The following STAP2 variants were observed in gnomAD, a reference collection of about 807,000 sequenced individuals.
STAP2 encodes the protein signal transducing adaptor family member 2.
STAP2 carries 58 observed loss-of-function variants against 52.7 expected under a neutral mutation model. That is an observed-to-expected ratio of 1.10 (90% CI 0.89 to 1.37). The LOEUF is 1.37. Among genes scored for constraint, STAP2 ranks in the 40% most tolerant of loss-of-function variants. The pLI, the probability that STAP2 is intolerant of heterozygous loss-of-function variation, is 0.00. For missense variants in STAP2, 522 were observed against 519.4 expected, an observed-to-expected ratio of 1.00 and a Z score of -0.05; for synonymous variants, 231 against 210.5, an observed-to-expected ratio of 1.10 and a Z score of -0.84.
At chr19:4,332,394 T>C (rs1206685391) in intron 3 of STAP2, among the ~76,000 whole-genome samples, 1 of 150,558 alleles carries the variant, frequency 6.6e-6, no homozygotes, top group Non-Finnish European at 1.5e-5. Context: ...CTCTTAGACA[T>C]GAGGGTCTCG....
In STAP2 at chr19:4,325,318, C is replaced by T; in HGVS notation, c.980-10G>A. 1 of 1,614,200 alleles carries T rather than the reference C, an allele frequency of 6.2e-7. No individual in the cohort carries two copies. Among genetic ancestry groups the T allele is most frequent in the Non-Finnish European group, 8.5e-7 (1 of 1,180,026 alleles). On this transcript the variant is annotated splice_polypyrimidine_tract_variant and intron_variant, in intron 10 of 12. Transcript: ENST00000594605. ...CAACTAGAGGAAGCCACTGCGTGGA[C>T]AAAAGTGTAACGTGTCACATCAGCT...
At chr19:4,338,446 G>T (rs1012161798) in intron 1 of STAP2, among the ~76,000 whole-genome samples, 1 of 152,208 alleles carries the variant, frequency 6.6e-6, no homozygotes, top group Non-Finnish European at 1.5e-5. Context: ...AAGAGAAAAA[G>T]AAACCAAATT....
intron 4 of STAP2, among the ~76,000 whole-genome samples, chr19:4,331,623 C>T (rs7253888): frequency 0.1 from 15,216 of 150,724 alleles, 1,379 homozygotes; most frequent in African/African-American, 0.25. Flanking sequence ...GAGTGAGACT[C>T]TGTCTCAAAA....
chr19:4,331,628 T>C (rs1355576218), intron 4 of STAP2, among the ~76,000 whole-genome samples: 1 of 149,386 alleles, frequency 6.7e-6, no homozygotes, highest in Non-Finnish European at 1.5e-5. Flanking sequence ...AGACTCTGTC[T>C]CAAAAAAATA....
chr19:4,326,864 C>A lies in STAP2; in HGVS notation c.829+78G>T, dbSNP rs563662784. On this transcript the variant is annotated intron_variant, in intron 9 of 12. Transcript: ENST00000594605. ...ACATCAGATGCAGGAGGTGCAGCCACCAAACTGACTGAGGGGGCGTGGCTG... is the reference window on the plus strand; with the variant it reads ...ACATCAGATGCAGGAGGTGCAGCCAACAAACTGACTGAGGGGGCGTGGCTG... 2.0e-6 allele frequency: 3 copies of A among 1,516,308 alleles called. No individual in the cohort carries two copies. In the South Asian group the frequency reaches 3.6e-5, roughly 18 times the overall value. 93.9% of individuals were successfully genotyped at this position (1,516,308 alleles called of 1,614,324 possible).
At chr19:4,337,548 C>CA (rs376844059) in intron 1 of STAP2, among the ~76,000 whole-genome samples, 1,674 of 100,572 alleles carry the variant, frequency 0.017, 23 homozygotes, top group Admixed American at 0.024. Context: ...ACCCCATCTT[C>CA]AAAAAAAAAA....
intron 1 of STAP2, among the ~76,000 whole-genome samples, chr19:4,334,773 CACA>C (rs1971946492): frequency 6.6e-6 from 1 of 151,332 alleles, no homozygotes; most frequent in Non-Finnish European, 1.5e-5. Flanking sequence ...CATCCACCCA[CACA>C]TCCATCTGTC....
rs564408065 is a variant in STAP2 at position 4,324,480 on chromosome 19, T to G, written c.1122A>C (p.Ser374=). 1,364 of 1,576,236 alleles carry G rather than the reference T, an allele frequency of 8.7e-4. 22 individuals carry two copies. In the South Asian group the frequency reaches 0.015, roughly 17 times the overall value. ...CGGCTGTGGGGAAGAGAGGCTGGGC[T>G]GAACTGACTGGCAGCTTCCTGCCCA... is the stretch of plus-strand genomic sequence containing the variant. ...GGLGRKLPVS[S]AQPLFPTAGL... The change falls in exon 12 of 13, where the codon TCA becomes TCC. Residue 374 remains serine, a synonymous_variant. Coordinates refer to ENST00000594605, the MANE Select transcript of STAP2 (RefSeq NM_001013841.2).
intron 6 of STAP2, among the ~76,000 whole-genome samples, chr19:4,328,465 C>T (rs28513335): frequency 8.6e-5 from 6 of 69,608 alleles, no homozygotes; most frequent in Non-Finnish European, 1.6e-4. Flanking sequence ...TCTGACTCCT[C>T]CCCCAATCCG....
chr19:4,333,841 TGG>T, intron 2 of STAP2, 25 bp from the exon 3 acceptor site: 1 of 1,613,802 alleles, frequency 6.2e-7, no homozygotes, highest in Non-Finnish European at 8.5e-7. Context: ...GCAGGGGATC[TGG>T]GCACCAGTTC....
At chr19:4,324,703 G>A in intron 11 of STAP2, 174 bp from the exon 12 acceptor site, 1 of 598,652 alleles carries the variant, frequency 1.7e-6, no homozygotes, top group Non-Finnish European at 2.9e-6. Context: ...GTGGTGGCAG[G>A]TGCCTGTAAT....
Position 4,325,312 on chromosome 19 carries a change from C to T in STAP2, c.980-4G>A, listed in dbSNP as rs376352557. On this transcript the variant is annotated splice_polypyrimidine_tract_variant and splice_region_variant and intron_variant, in intron 10 of 12. Coordinates refer to ENST00000594605, the MANE Select transcript of STAP2 (RefSeq NM_001013841.2). ...ACTGGCCAACTAGAGGAAGCCACTG[C>T]GTGGACAAAAGTGTAACGTGTCACA... 67 of 1,614,050 alleles carry T rather than the reference C, an allele frequency of 4.2e-5. No individual in the cohort carries two copies. The highest frequency in any genetic ancestry group is 4.9e-5 in the Non-Finnish European group (58 of 1,180,026).
chr19:4,329,727 C>T (rs1971857089), intron 5 of STAP2, among the ~76,000 whole-genome samples: 1 of 152,174 alleles, frequency 6.6e-6, no homozygotes, highest in African/African-American at 2.4e-5. Flanking sequence ...TAGGCCCCGC[C>T]ACTGAAGACC....
At chr19:4,325,952 G>A (rs1438423345) in intron 9 of STAP2, among the ~76,000 whole-genome samples, 1 of 151,224 alleles carries the variant, frequency 6.6e-6, no homozygotes, top group African/African-American at 2.4e-5. Context: ...CTGGGTGACA[G>A]AGCAAGACTC....
In STAP2 at chr19:4,324,486, G is replaced by T; in HGVS notation, c.1116C>A (p.Val372=). 1 of 1,576,452 alleles carries T rather than the reference G, an allele frequency of 6.3e-7. No homozygotes were observed. Among genetic ancestry groups the T allele is most frequent in the South Asian group, 1.2e-5 (1 of 86,396 alleles). The change falls in exon 12 of 13, where the codon GTC becomes GTA. Residue 372 remains valine, a synonymous_variant. Transcript: ENST00000594605. ...TGGGGAAGAGAGGCTGGGCTGAACT[G>T]ACTGGCAGCTTCCTGCCCAAGCCAC... The part of the protein sequence containing the change: ...FNGGLGRKLP[V]SSAQPLFPTA...
chr19:4,329,616 C>A (rs974182310), intron 5 of STAP2, among the ~76,000 whole-genome samples: 7 of 152,040 alleles, frequency 4.6e-5, no homozygotes, highest in African/African-American at 1.7e-4. Flanking sequence ...TCTAGGGTCC[C>A]GGTTACCCTC....
chr19:4,328,583 G>T (rs1444973785), intron 6 of STAP2, 92 bp downstream of exon 6: 1 of 1,495,602 alleles, frequency 6.7e-7, no homozygotes, highest in Non-Finnish European at 9.0e-7. Flanking sequence ...CCACTAGCGG[G>T]TCGGACTCCG....
Position 4,332,013 on chromosome 19 carries a change from T to C in STAP2, c.354+9A>G. The C allele has an allele frequency of 4.3e-6, 7 of 1,612,048 alleles. No individual in the cohort carries two copies. The highest frequency in any genetic ancestry group is 5.9e-6 in the Non-Finnish European group (7 of 1,179,254). ...TGGGAGAGAGGGCGCAGAGAGCCAC[T>C]ACTCTTACCTCCACCACCGTTAAGA... On this transcript the variant is annotated intron_variant, in intron 4 of 12. Transcript: ENST00000594605.
At chr19:4,332,415 A>G (rs1391355642) in intron 3 of STAP2, among the ~76,000 whole-genome samples, 1 of 150,258 alleles carries the variant, frequency 6.7e-6, no homozygotes, top group African/African-American at 2.4e-5. Context: ...CTTTGTTGCC[A>G]GGCTGGTCTT....
Sources: gnomAD v4.1 joint callset for allele counts (sites outside exome capture counted in the v4.1 genomes callset) on GRCh38, gnomAD v4.1.1 for gene constraint, MANE v1.5 for transcripts, NCBI Gene and HGNC (gene_info 2026-07-23, HGNC 2026-07-21) for gene names.